HDLBP: variants seen among roughly 807,000 people sequenced by gnomAD.
HDLBP encodes vigilin.
HDLBP carries 30 observed loss-of-function variants against 137.3 expected under a neutral mutation model. The observed-to-expected ratio is 0.22, with a 90% confidence interval of 0.16 to 0.30. The LOEUF (loss-of-function observed/expected upper bound fraction) is 0.30. HDLBP is among the 10% of genes least tolerant of loss of function. The pLI is 1.00. For synonymous variants in HDLBP, 606 were observed against 596.0 expected, an observed-to-expected ratio of 1.02 and a Z score of -0.24; for missense variants, 1,119 against 1,667.3, an observed-to-expected ratio of 0.67 and a Z score of 5.73.
At chr2:241,312,691 A>G (rs144079611) in intron 1 of HDLBP, among the ~76,000 whole-genome samples, 24 of 152,348 alleles carry the variant, frequency 1.6e-4, no homozygotes, top group African/African-American at 4.6e-4. Context: ...CCATTTGCCT[A>G]TGGGATGGAT....
At position 241,235,627 on chromosome 2, in the gene HDLBP, G is replaced by C. The variant is rs768451792; in HGVS notation, c.2905-33C>G. Reference sequence around the variant, plus strand: ...GAGGATGGTCATGGTTAGGCCGTGGGAGCTGAGAGCAGAGTGACGTTGTAA... The same window carrying C: ...GAGGATGGTCATGGTTAGGCCGTGGCAGCTGAGAGCAGAGTGACGTTGTAA... On this transcript the variant is annotated intron_variant, in intron 21 of 27. Transcript: ENST00000310931. The C allele has an allele frequency of 4.1e-6, 6 of 1,479,102 alleles. No individual in the cohort carries two copies. In the Admixed American group the frequency reaches 8.4e-5, roughly 21 times the overall value. The allele number at this position is 1,479,102 out of a possible 1,614,324, so 91.6% of individuals were successfully genotyped here. A position where few individuals can be genotyped will look rare whatever the true frequency, so the allele number is the denominator to read the frequency against.
chr2:241,236,685 G>A lies in HDLBP; in HGVS notation c.2834C>T (p.Pro945Leu). ...REAKDCDPGS[P>L]RRCDIIIISG... ...GATGATGATGATGTCACACCTCCTTGGAGAGCCGGGGTCACAATCTTTAGC... is the reference window on the plus strand; with the variant it reads ...GATGATGATGATGTCACACCTCCTTAGAGAGCCGGGGTCACAATCTTTAGC... The change falls in exon 21 of 28, where the codon CCA becomes CTA. Residue 945 changes from proline (P) to leucine (L), a missense_variant. Physicochemically the swap from Pro to Leu is moderately conservative, Grantham distance 98 (BLOSUM62 -3). This residue lies in a region of HDLBP where 618 missense variants were observed against 816.7 expected (regional missense o/e 0.76). Coordinates refer to ENST00000310931, the MANE Select transcript of HDLBP (RefSeq NM_005336.6). The A allele has an allele frequency of 6.2e-7, 1 of 1,614,152 alleles. No individual in the cohort carries two copies. Among genetic ancestry groups the A allele is most frequent in the East Asian group, 2.2e-5 (1 of 44,872 alleles).
chr2:241,248,008 C>G lies in HDLBP; in HGVS notation c.1726G>C (p.Asp576His). 1 of 1,610,110 alleles carries G rather than the reference C, an allele frequency of 6.2e-7. No homozygotes were observed. Among genetic ancestry groups the G allele is most frequent in the Non-Finnish European group, 8.5e-7 (1 of 1,176,266 alleles). The stretch of plus-strand genomic sequence containing the variant: ...AGGATGTGAAACACCCCTACCAGAT[C>G]TGCCACCATCTTCTGCATGTATTTT... ...CTKYMQKMVA[D>H]LVENSYSISV... Residue 576 changes from aspartate (D) to histidine (H), a missense_variant, in exon 14 of 28, where the codon GAT (aspartate) becomes CAT (histidine). By Grantham distance (81) the Asp-to-His change is moderately conservative. Coordinates refer to ENST00000310931, the MANE Select transcript of HDLBP (RefSeq NM_005336.6).
At chr2:241,296,149 A>G (rs560483414) in intron 1 of HDLBP, among the ~76,000 whole-genome samples, 202 of 151,944 alleles carry the variant, frequency 1.3e-3, no homozygotes, top group Non-Finnish European at 2.4e-3. Context: ...AGCAAAGCAT[A>G]CTACAAAGCA....
At chr2:241,283,436 G>A (rs558138381) in intron 1 of HDLBP, among the ~76,000 whole-genome samples, 1 of 152,036 alleles carries the variant, frequency 6.6e-6, no homozygotes, top group Admixed American at 6.5e-5. Flanking sequence ...CATAGTGCAA[G>A]AAGATGCCAT....
chr2:241,271,202 A>C, intron 1 of HDLBP: 2 of 904,884 alleles, frequency 2.2e-6, no homozygotes, highest in Non-Finnish European at 2.6e-6. Flanking sequence ...GGCTCTCCCA[A>C]CTACTTTTCC....
intron 2 of HDLBP, among the ~76,000 whole-genome samples, chr2:241,267,225 C>T (rs1352989068): frequency 2.6e-5 from 4 of 151,850 alleles, no homozygotes; most frequent in Non-Finnish European, 5.9e-5. Flanking sequence ...AAAAACAAAA[C>T]AAAACAAACA....
rs1321455877 is a variant in HDLBP at position 241,227,835 on chromosome 2, C to A, written c.*1766G>T. On this transcript the variant is annotated 3_prime_UTR_variant, in exon 28 of 28. Transcript: ENST00000310931. ...GGTGACAGCCCTTCCCCACTGGCCTCCCCCGTGGAGGTGGAGTAGACAGAT... is the reference window on the plus strand; with the variant it reads ...GGTGACAGCCCTTCCCCACTGGCCTACCCCGTGGAGGTGGAGTAGACAGAT... The A allele has an allele frequency of 2.2e-5, 3 of 135,144 alleles. No individual in the cohort carries two copies. The highest frequency in any genetic ancestry group is 1.2e-4 in the African/African-American group (3 of 25,620). The allele number at this position is 135,144 out of a possible 1,614,324, so 8.4% of individuals were successfully genotyped here.
intron 1 of HDLBP, among the ~76,000 whole-genome samples, chr2:241,283,717 G>T (rs28839830): frequency 6.6e-6 from 1 of 151,860 alleles, no homozygotes; most frequent in African/African-American, 2.4e-5. Flanking sequence ...CTCGTGATCC[G>T]CCCACCTCAG....
At chr2:241,280,349 T>C (rs906912409) in intron 1 of HDLBP, among the ~76,000 whole-genome samples, 5 of 152,190 alleles carry the variant, frequency 3.3e-5, no homozygotes, top group African/African-American at 9.7e-5. Flanking sequence ...TGCTAATATA[T>C]ATTACAGTAT....
chr2:241,264,690 CAG>C (rs1466336872), intron 3 of HDLBP, 85 bp from the exon 4 acceptor site: 1 of 1,298,552 alleles, frequency 7.7e-7, no homozygotes, highest in Non-Finnish European at 1.1e-6. Flanking sequence ...TGCTTAAAAA[CAG>C]ACAAACAAGA....
chr2:241,291,359 G>C (rs1575031908), intron 1 of HDLBP, among the ~76,000 whole-genome samples: 1 of 152,162 alleles, frequency 6.6e-6, no homozygotes, highest in East Asian at 1.9e-4. Context: ...GCAGGGAGCA[G>C]TCACAAACCA....
intron 17 of HDLBP, 103 bp downstream of exon 17, chr2:241,242,357 G>T (rs959520724): frequency 1.1e-5 from 11 of 981,510 alleles, no homozygotes; most frequent in Non-Finnish European, 1.7e-5. Context: ...TTTCTGACCC[G>T]CCACAAAGGA....
chr2:241,267,053 C>G, intron 2 of HDLBP, 147 bp from the exon 3 acceptor site: 1 of 643,034 alleles, frequency 1.6e-6, no homozygotes, highest in East Asian at 2.7e-5. Context: ...CTGATGTAAG[C>G]TGATACCCAA....
rs539780758 is a variant in HDLBP, at chr2:241,232,426, C to G, written c.3288+1394G>C. 4.6e-5 allele frequency among the ~76,000 whole-genome samples: 7 copies of G among 152,272 alleles called. No individual in the cohort carries two copies. In the South Asian group the frequency reaches 1.5e-3, roughly 32 times the overall value. On this transcript the variant is annotated intron_variant, in intron 24 of 27. Coordinates refer to ENST00000310931, the MANE Select transcript of HDLBP (RefSeq NM_005336.6). Reference sequence around the variant, plus strand: ...GAGTAGCTGGGATTACAGGTGCACGCGACCACGCCTGGCTAATTTTCATAT... The same window carrying G: ...GAGTAGCTGGGATTACAGGTGCACGGGACCACGCCTGGCTAATTTTCATAT...
chr2:241,285,208 A>G (rs535337499), intron 1 of HDLBP, among the ~76,000 whole-genome samples: 1 of 152,334 alleles, frequency 6.6e-6, no homozygotes, highest in Non-Finnish European at 1.5e-5. Context: ...TAAAGTATAT[A>G]CCATTGTTTT....
chr2:241,255,016 A>G, intron 9 of HDLBP, 35 bp downstream of exon 9: 3 of 1,453,972 alleles, frequency 2.1e-6, no homozygotes, highest in Non-Finnish European at 2.9e-6. Flanking sequence ...AAAACAAGAC[A>G]AATTCAATAC....
intron 1 of HDLBP, among the ~76,000 whole-genome samples, chr2:241,305,489 A>G (rs2075540893): frequency 6.6e-6 from 1 of 152,142 alleles, no homozygotes; most frequent in Non-Finnish European, 1.5e-5. Context: ...CCTTTCAAGG[A>G]CTGACCCTTT....
At chr2:241,271,081 TC>T (rs765660858) in intron 1 of HDLBP, 99 of 985,290 alleles carry the variant, frequency 1.0e-4, no homozygotes, top group Non-Finnish European at 1.2e-4. Flanking sequence ...CTTTCCCCTT[TC>T]TGGCCATGGA....
Sources: allele counts gnomAD v4.1 joint callset (sites outside exome capture counted in the v4.1 genomes callset), GRCh38; gene constraint gnomAD v4.1.1; regional missense constraint gnomAD v4.1.1; transcripts MANE v1.5; gene names NCBI Gene and HGNC (gene_info 2026-07-23, HGNC 2026-07-21).